Variants in SNTG1 observed in about 807,000 individuals in gnomAD.
SNTG1 encodes the protein syntrophin gamma 1.
Under a neutral mutation model 74.7 loss-of-function variants are expected in SNTG1, and 39 were observed. The ratio of observed to expected loss-of-function variants is 0.52; its 90% CI spans 0.40 to 0.68. The LOEUF (loss-of-function observed/expected upper bound fraction) is 0.68. SNTG1 is among the 30% of genes least tolerant of loss of function. SNTG1 has a pLI of 0.00. For synonymous variants in SNTG1, 254 were observed against 217.1 expected (o/e 1.17, Z -1.49); for missense variants, 685 against 609.5 (o/e 1.12, Z -1.30).
At chr8:50,766,486 G>A (rs900533371) in intron 18 of SNTG1, among the ~76,000 whole-genome samples, 10 of 151,856 alleles carry the variant, frequency 6.6e-5, no homozygotes, top group African/African-American at 2.4e-4. Flanking sequence ...TCATCAGAAC[G>A]TATTATAAAT....
intron 15 of SNTG1, among the ~76,000 whole-genome samples, chr8:50,700,987 T>C (rs1045365466): frequency 1.3e-5 from 2 of 152,018 alleles, no homozygotes; most frequent in Non-Finnish European, 2.9e-5. Flanking sequence ...TTAAATTGAG[T>C]TTTAAAAGAG....
intron 13 of SNTG1, among the ~76,000 whole-genome samples, chr8:50,637,640 C>G (rs901049651): frequency 2.6e-5 from 4 of 151,918 alleles, no homozygotes; most frequent in Non-Finnish European, 5.9e-5. Flanking sequence ...ACCTTTGATC[C>G]AAGCAATGCG....
chr8:50,422,779 T>C (rs79018455), intron 4 of SNTG1, among the ~76,000 whole-genome samples: 7,989 of 152,200 alleles, frequency 0.052, 264 homozygotes, highest in Middle Eastern at 0.1. Context: ...ATAGTGATGT[T>C]ATTTGCAGGA....
chr8:50,244,529 G>A (rs1163744370), intron 2 of SNTG1, among the ~76,000 whole-genome samples: 2 of 152,084 alleles, frequency 1.3e-5, no homozygotes, highest in East Asian at 3.9e-4. Context: ...GTCTGTGAAT[G>A]TCCTACCTCA....
intron 2 of SNTG1, among the ~76,000 whole-genome samples, chr8:50,330,863 C>G (rs1023791977): frequency 5.3e-5 from 8 of 152,128 alleles, no homozygotes; most frequent in African/African-American, 1.7e-4. Flanking sequence ...ATCACAAGAA[C>G]AGAATAGGAA....
intron 2 of SNTG1, among the ~76,000 whole-genome samples, chr8:50,326,970 T>A (rs1442456895): frequency 6.6e-6 from 1 of 152,096 alleles, no homozygotes; most frequent in Admixed American, 6.5e-5. Context: ...TAGAAGAGTG[T>A]TGTTTAATCC....
At chr8:50,468,839 A>C (rs2131729638) in intron 8 of SNTG1, among the ~76,000 whole-genome samples, 1 of 152,284 alleles carries the variant, frequency 6.6e-6, no homozygotes, top group East Asian at 1.9e-4. Flanking sequence ...GCGTTTTTAA[A>C]AATCTGTATG....
intron 17 of SNTG1, among the ~76,000 whole-genome samples, chr8:50,739,708 G>T (rs1481288357): frequency 1.3e-5 from 2 of 151,758 alleles, no homozygotes; most frequent in Admixed American, 1.3e-4. Context: ...CAACGTGGCG[G>T]CATCACTCCA....
chr8:50,707,815 T>C (rs2095448549), intron 16 of SNTG1: 1 of 355,344 alleles, frequency 2.8e-6, no homozygotes, highest in Non-Finnish European at 5.0e-6. Flanking sequence ...GGCTTATAGA[T>C]GTAACAATAC....
chr8:50,701,652 T>TCC (rs1372487146), intron 15 of SNTG1, among the ~76,000 whole-genome samples: 9 of 137,184 alleles, frequency 6.6e-5, no homozygotes, highest in South Asian at 2.4e-4. Context: ...CCTCCTCTTT[T>TCC]TCTTCCTCTT....
intron 12 of SNTG1, among the ~76,000 whole-genome samples, chr8:50,564,977 CTGGGTGGTTAACGTCAACTGTGATGT>C (rs1313344313): frequency 2.6e-5 from 4 of 152,006 alleles, no homozygotes; most frequent in African/African-American, 9.7e-5. Context: ...GCTACTGCAG[CTGGGTGGTTAACGTCAACTGTGATGT>C]CAAATTAATA....
At chr8:50,299,374 T>A (rs1337127379) in intron 2 of SNTG1, among the ~76,000 whole-genome samples, 1 of 151,874 alleles carries the variant, frequency 6.6e-6, no homozygotes, top group African/African-American at 2.4e-5. Context: ...ATTGTTTTAG[T>A]GAAAAAGAAA....
intron 2 of SNTG1, among the ~76,000 whole-genome samples, chr8:50,262,612 T>C (rs2087250939): frequency 6.6e-6 from 1 of 152,100 alleles, no homozygotes; most frequent in Non-Finnish European, 1.5e-5. Context: ...GGTTTCACCA[T>C]GTTAGCCAGG....
At position 50,617,411 on chromosome 8, in the gene SNTG1, CACAT is replaced by C. The variant is rs1173343875; in HGVS notation, c.849+26496_849+26499del. 5.5e-5 allele frequency among the ~76,000 whole-genome samples: 8 copies of C among 146,110 alleles called. No homozygotes were observed. In the South Asian group the frequency reaches 8.8e-4, roughly 16 times the overall value. On this transcript the variant is annotated intron_variant, in intron 13 of 18. Coordinates refer to ENST00000642720, the MANE Select transcript of SNTG1 (RefSeq NM_018967.5). Reference sequence around the variant, plus strand: ...ACACACACACACACACACACACACACACATAAATAACGAAAAACAAGAAAAATAA... The same window carrying C: ...ACACACACACACACACACACACACACAAATAACGAAAAACAAGAAAAATAA...
chr8:50,090,664 C>G (rs1365248912), intron 1 of SNTG1, among the ~76,000 whole-genome samples: 1 of 152,082 alleles, frequency 6.6e-6, no homozygotes. Flanking sequence ...TCAGATTATA[C>G]TGAATGGGAA....
intron 13 of SNTG1, among the ~76,000 whole-genome samples, chr8:50,631,490 T>C (rs555012789): frequency 2.3e-3 from 346 of 152,312 alleles, no homozygotes; most frequent in Non-Finnish European, 4.0e-3. Context: ...TTTTTAACAC[T>C]TGATTGACCT....
At chr8:50,060,097 G>A (rs1358240465) in intron 1 of SNTG1, among the ~76,000 whole-genome samples, 2 of 152,070 alleles carry the variant, frequency 1.3e-5, no homozygotes, top group African/African-American at 4.8e-5. Flanking sequence ...TTTCCTGATG[G>A]CTAATGATGG....
rs16915142 is a variant in SNTG1, at chr8:50,645,979, A to G, written c.850-10930A>G. On this transcript the variant is annotated intron_variant, in intron 13 of 18. Coordinates refer to ENST00000642720, the MANE Select transcript of SNTG1 (RefSeq NM_018967.5). ...CTGGTCAAGTCTGTGTTGCCTTGGT[A>G]ACATTGCAGCACTTTGTAAAATGTT... 5.6e-3 allele frequency among the ~76,000 whole-genome samples: 848 copies of G among 152,238 alleles called. 7 individuals carry two copies. Among genetic ancestry groups the G allele is most frequent in the African/African-American group, 0.019 (804 of 41,548 alleles).
chr8:50,573,065 A>G (rs1276687346), intron 12 of SNTG1, among the ~76,000 whole-genome samples: 3 of 152,144 alleles, frequency 2.0e-5, no homozygotes, highest in Non-Finnish European at 2.9e-5. Flanking sequence ...TTAAGATACA[A>G]TTTAAACATA....
Sources: gnomAD v4.1 joint callset for allele counts (sites outside exome capture counted in the v4.1 genomes callset) on GRCh38, gnomAD v4.1.1 for gene constraint, MANE v1.5 for transcripts, NCBI Gene and HGNC (gene_info 2026-07-23, HGNC 2026-07-21) for gene names.